ALDH1L1: variants seen among roughly 807,000 people sequenced by gnomAD.
ALDH1L1 encodes aldehyde dehydrogenase 1 family member L1.
Under a neutral mutation model 101.1 loss-of-function variants are expected in ALDH1L1, and 68 were observed. The ratio of observed to expected loss-of-function variants is 0.67; its 90% confidence interval spans 0.55 to 0.82. The LOEUF (loss-of-function observed/expected upper bound fraction) is 0.82. Ranked by LOEUF, ALDH1L1 falls within the 40% of genes least tolerant of loss-of-function variation. The pLI is 0.00. For synonymous variants in ALDH1L1, 486 were observed against 470.8 expected, an observed-to-expected ratio of 1.03 and a Z score of -0.42; for missense variants, 1,087 against 1,172.7, an observed-to-expected ratio of 0.93 and a Z score of 1.07.
At chr3:126,170,166 T>C (rs554302032) in intron 1 of ALDH1L1, among the ~76,000 whole-genome samples, 11 of 152,220 alleles carry the variant, frequency 7.2e-5, no homozygotes, top group Non-Finnish European at 1.3e-4. Flanking sequence ...CAAATACTTT[T>C]TGTCGTTTCT....
At chr3:126,116,432 G>A (rs1226116792) in intron 17 of ALDH1L1, among the ~76,000 whole-genome samples, 3 of 151,914 alleles carry the variant, frequency 2.0e-5, no homozygotes, top group Admixed American at 2.0e-4. Context: ...TGGTAAAATG[G>A]TTACCATGGT....
chr3:126,147,346 C>T (rs187878050), intron 8 of ALDH1L1, among the ~76,000 whole-genome samples: 274 of 152,326 alleles, frequency 1.8e-3, no homozygotes, highest in African/African-American at 6.2e-3. Context: ...CACCGATGCC[C>T]GGGTGTTGTA....
intron 18 of ALDH1L1, among the ~76,000 whole-genome samples, chr3:126,114,217 A>T (rs989605854): frequency 6.6e-6 from 1 of 152,242 alleles, no homozygotes; most frequent in Non-Finnish European, 1.5e-5. Flanking sequence ...TTGCCCTCTC[A>T]TCAGACAGAA....
chr3:126,125,845 C>T (rs2080171705), intron 14 of ALDH1L1, 124 bp from the exon 15 acceptor site: 1 of 603,442 alleles, frequency 1.7e-6, no homozygotes, highest in Middle Eastern at 2.7e-4. Flanking sequence ...CCTGATAAGG[C>T]ACCCAAGGTC....
chr3:126,134,984 G>A (rs1378944383), intron 12 of ALDH1L1: 1 of 152,104 alleles, frequency 6.6e-6, no homozygotes, highest in African/African-American at 2.4e-5. Flanking sequence ...ATAAGCTAAA[G>A]TCATCATAAG....
chr3:126,128,039 G>A (rs2108227980), intron 14 of ALDH1L1, among the ~76,000 whole-genome samples: 1 of 152,222 alleles, frequency 6.6e-6, no homozygotes, highest in East Asian at 1.9e-4. Flanking sequence ...GAGGGTGGAG[G>A]GCCTGGGATC....
chr3:126,146,539 T>C (rs2080686046), intron 9 of ALDH1L1, among the ~76,000 whole-genome samples: 1 of 152,192 alleles, frequency 6.6e-6, no homozygotes, highest in Non-Finnish European at 1.5e-5. Flanking sequence ...ACCCTAATTC[T>C]CCCTATGAAC....
chr3:126,111,112 C>T (rs530126023), intron 19 of ALDH1L1, among the ~76,000 whole-genome samples: 1 of 152,344 alleles, frequency 6.6e-6, no homozygotes, highest in Non-Finnish European at 1.5e-5. Flanking sequence ...ATTCCTGTGC[C>T]GGGCCCATCG....
chr3:126,191,060 T>G (rs1406491931), intron 1 of ALDH1L1, among the ~76,000 whole-genome samples: 1 of 152,176 alleles, frequency 6.6e-6, no homozygotes, highest in Non-Finnish European at 1.5e-5. Context: ...AAATGTCGCC[T>G]TGGGATTAGC....
chr3:126,135,473 C>G (rs2276725), intron 12 of ALDH1L1, 62 bp downstream of exon 12: 3 of 1,569,546 alleles, frequency 1.9e-6, no homozygotes, highest in Non-Finnish European at 1.7e-6. Context: ...AGAAGTCCCC[C>G]CCGTGCCACT....
chr3:126,188,320 G>C (rs564142194), intron 1 of ALDH1L1, among the ~76,000 whole-genome samples: 2 of 152,116 alleles, frequency 1.3e-5, no homozygotes, highest in Admixed American at 1.3e-4. Flanking sequence ...GTATGCAAAG[G>C]GCCAACTTTT....
intron 15 of ALDH1L1, among the ~76,000 whole-genome samples, chr3:126,124,702 T>C (rs549636759): frequency 7.2e-5 from 11 of 152,286 alleles, no homozygotes; most frequent in Admixed American, 3.9e-4. Flanking sequence ...CTGGCAGGGC[T>C]CCAGCCGGCC....
At chr3:126,112,309 G>A (rs923105969) in intron 19 of ALDH1L1, among the ~76,000 whole-genome samples, 1 of 152,176 alleles carries the variant, frequency 6.6e-6, no homozygotes, top group Non-Finnish European at 1.5e-5. Context: ...TGCCACAGGG[G>A]CCCACAGCCT....
At chr3:126,138,879 A>C (rs950116099) in intron 9 of ALDH1L1, among the ~76,000 whole-genome samples, 6 of 152,252 alleles carry the variant, frequency 3.9e-5, no homozygotes, top group Non-Finnish European at 5.9e-5. Context: ...CATGAATCAA[A>C]TATGTTGGAA....
At position 126,136,831 on chromosome 3, in the gene ALDH1L1, A is replaced by G. The variant is rs183204130; in HGVS notation, c.1277T>C (p.Ile426Thr). ...CTCGGCATCCACGAACTCCCCCCCA[A>G]TGAAGAGCTGGTGGGGCATGCGGAC... is the stretch of plus-strand genomic sequence containing the variant. ...RTVRMPHQLF[I>T]GGEFVDAEGA... Residue 426 changes from isoleucine (I) to threonine (T), a missense_variant, in exon 11 of 23, where the codon ATT (isoleucine) becomes ACT (threonine). Ile to Thr is a moderately conservative substitution (Grantham distance 89). This residue lies in a region of ALDH1L1 where 645 missense variants were observed against 637.0 expected (regional missense o/e 1.01). Coordinates refer to ENST00000393434, the MANE Select transcript of ALDH1L1 (RefSeq NM_012190.4). 64 of 1,611,202 alleles carry G rather than the reference A, an allele frequency of 4.0e-5. No homozygotes were observed. The highest frequency in any genetic ancestry group is 2.7e-4 in the East Asian group (12 of 44,838).
At chr3:126,152,953 G>GT (rs1051900520) in intron 7 of ALDH1L1, 1 of 238,900 alleles carries the variant, frequency 4.2e-6, no homozygotes, top group East Asian at 9.9e-5. Context: ...TGCTGGTACC[G>GT]TGAGTTGTAG....
At chr3:126,170,424 TAA>T (rs59239455) in intron 1 of ALDH1L1, among the ~76,000 whole-genome samples, 35 of 121,130 alleles carry the variant, frequency 2.9e-4, no homozygotes, top group Admixed American at 7.0e-4. Context: ...TGCCTGTCAT[TAA>T]AAAAAAAAAA....
intron 17 of ALDH1L1, among the ~76,000 whole-genome samples, chr3:126,115,763 C>T (rs7630173): frequency 0.37 from 55,715 of 151,428 alleles, 10,936 homozygotes; most frequent in Non-Finnish European, 0.44. Flanking sequence ...TCAGTAGGGA[C>T]GGGGTTTCAC....
intron 12 of ALDH1L1, among the ~76,000 whole-genome samples, chr3:126,134,139 T>A (rs1180414607): frequency 6.6e-6 from 1 of 152,160 alleles, no homozygotes; most frequent in Non-Finnish European, 1.5e-5. Flanking sequence ...GCTCCTGAAC[T>A]GCCCCCTCCG....
Sources: allele counts gnomAD v4.1 joint callset (sites outside exome capture counted in the v4.1 genomes callset), GRCh38; gene constraint gnomAD v4.1.1; regional missense constraint gnomAD v4.1.1; transcripts MANE v1.5; gene names NCBI Gene and HGNC (gene_info 2026-07-23, HGNC 2026-07-21).